INTS14: variants seen among roughly 807,000 people sequenced by gnomAD.
INTS14 encodes integrator complex subunit 14, also known as UPF0464 protein C15orf44.
INTS14 carries 27 observed loss-of-function variants against 56.9 expected under a neutral mutation model. That is an observed-to-expected ratio of 0.47 (90% CI 0.35 to 0.65). The LOEUF is 0.65. Among genes scored for constraint, INTS14 ranks in the 30% least tolerant of loss-of-function variants. The probability of loss-of-function intolerance (pLI) is 0.00; values close to 1 mark genes in which losing one functional copy is unlikely to be tolerated. For synonymous variants in INTS14, 207 were observed against 236.2 expected (o/e 0.88, Z 1.13); for missense variants, 517 against 632.2 (o/e 0.82, Z 1.95).
intron 11 of INTS14, among the ~76,000 whole-genome samples, chr15:65,580,367 G>C (rs569141045): frequency 3.3e-4 from 50 of 152,240 alleles, no homozygotes; most frequent in African/African-American, 1.2e-3. Flanking sequence ...TGGGCTCTCT[G>C]ACCATCTTTC....
chr15:65,588,546 T>C (rs559535678), intron 9 of INTS14, among the ~76,000 whole-genome samples: 12 of 151,700 alleles, frequency 7.9e-5, no homozygotes, highest in Non-Finnish European at 1.2e-4. Context: ...CTTGTGCCTG[T>C]AGTCACAGCT....
intron 8 of INTS14, among the ~76,000 whole-genome samples, chr15:65,592,285 T>A (rs2073058090): frequency 6.6e-6 from 1 of 152,204 alleles, no homozygotes; most frequent in Non-Finnish European, 1.5e-5. Context: ...CCAGCTAATT[T>A]TAACTGTAGC....
chr15:65,602,271 TG>T (rs1438989697), intron 3 of INTS14, among the ~76,000 whole-genome samples: 1 of 143,556 alleles, frequency 7.0e-6, no homozygotes, highest in Non-Finnish European at 1.5e-5. Flanking sequence ...AACAAAATCT[TG>T]GCTAAAAATT....
At chr15:65,591,462 A>G in intron 9 of INTS14, 136 bp downstream of exon 9, 1 of 1,172,338 alleles carries the variant, frequency 8.5e-7, no homozygotes, top group East Asian at 2.5e-5. Context: ...TTTTCACCGT[A>G]CACATCCAGC....
intron 1 of INTS14, among the ~76,000 whole-genome samples, chr15:65,610,252 G>C (rs1244090912): frequency 1.3e-5 from 2 of 152,130 alleles, no homozygotes; most frequent in Non-Finnish European, 2.9e-5. Context: ...TCTAGTACTT[G>C]GGAGGCTGAA....
chr15:65,608,288 T>G (rs2073727231), intron 1 of INTS14, among the ~76,000 whole-genome samples: 1 of 135,346 alleles, frequency 7.4e-6, no homozygotes, highest in African/African-American at 2.9e-5. Context: ...ACACAGGAGG[T>G]GGAAGTTGTA....
In INTS14 at chr15:65,605,149, C is replaced by T; in HGVS notation, c.310G>A (p.Gly104Ser). 6.2e-7 allele frequency: 1 copy of T among 1,613,958 alleles called. No individual in the cohort carries two copies. ...ATTACCTGGCAAGGAATTGCACCAC[C>T]CCATTCTTGCTGAACGATATTGCAA... ...GVCNIVQQEW[G>S]GAIPCQVVLV... is the part of the protein sequence containing the mutation. The change falls in exon 3 of 12, where the codon GGT becomes AGT. Residue 104 changes from glycine (G) to serine (S), a missense_variant. Coordinates refer to ENST00000313182, the MANE Select transcript of INTS14 (RefSeq NM_001394796.1).
intron 2 of INTS14, among the ~76,000 whole-genome samples, chr15:65,606,149 G>T (rs953657333): frequency 6.6e-6 from 1 of 151,346 alleles, no homozygotes; most frequent in Non-Finnish European, 1.5e-5. Flanking sequence ...CAGCTATTCG[G>T]AAGGCTGAGG....
chr15:65,603,913 T>C (rs1007023225), intron 3 of INTS14, among the ~76,000 whole-genome samples: 5 of 152,226 alleles, frequency 3.3e-5, no homozygotes, highest in Admixed American at 6.5e-5. Context: ...TGTTGTAGAC[T>C]ATTATGATTT....
rs748828387 is a variant in INTS14 at position 65,598,302 on chromosome 15, A to C, written c.748+19T>G. 1.2e-6 allele frequency: 2 copies of C among 1,603,920 alleles called. No individual in the cohort carries two copies. The highest frequency in any genetic ancestry group is 4.5e-5 in the East Asian group (2 of 44,816). ...AGGATAACAGAGAAACTAAGAAATA[A>C]GTTTTTTTAAAAAGTTACCTGTGTT... On this transcript the variant is annotated intron_variant, in intron 6 of 11. Transcript: ENST00000313182.
intron 1 of INTS14, among the ~76,000 whole-genome samples, chr15:65,610,247 T>C (rs1174663495): frequency 6.6e-6 from 1 of 152,146 alleles, no homozygotes; most frequent in Non-Finnish European, 1.5e-5. Context: ...GTGGTTCTAG[T>C]ACTTGGGAGG....
intron 1 of INTS14, among the ~76,000 whole-genome samples, chr15:65,610,513 G>C (rs571339775): frequency 1.3e-5 from 2 of 149,134 alleles, no homozygotes; most frequent in South Asian, 2.1e-4. Flanking sequence ...TCTTTCTCAG[G>C]AACAGTCTGA....
At position 65,605,179 on chromosome 15, in the gene INTS14, C is replaced by A; in HGVS notation, c.280G>T (p.Gly94Cys). ...TCTTGCTGAACGATATTGCAAACAC[C>A]AACTAATGCAGACTCCAAGCAGGTT... ...DKTCLESALV[G>C]VCNIVQQEWG... The change falls in exon 3 of 12, where the codon GGT becomes TGT. Residue 94 changes from glycine (G) to cysteine (C), a missense_variant. Coordinates refer to ENST00000313182, the MANE Select transcript of INTS14 (RefSeq NM_001394796.1). 6.2e-7 allele frequency: 1 copy of A among 1,614,130 alleles called. No individual in the cohort carries two copies. Among genetic ancestry groups the A allele is most frequent in the Non-Finnish European group, 8.5e-7 (1 of 1,180,016 alleles).
intron 2 of INTS14, among the ~76,000 whole-genome samples, chr15:65,606,252 C>CAAAAAAAAAAAA (rs372473798): frequency 1.6e-5 from 1 of 62,432 alleles, no homozygotes; most frequent in Non-Finnish European, 3.4e-5. Flanking sequence ...GACTCCGTCT[C>CAAAAAAAAAAAA]AAAAAAAAAA....
chr15:65,599,620 C>A (rs938171892), intron 4 of INTS14, 154 bp downstream of exon 4: 2 of 834,636 alleles, frequency 2.4e-6, no homozygotes, highest in Middle Eastern at 3.8e-4. Context: ...CATTTGAGAC[C>A]CAGAATCTTT....
chr15:65,610,751 C>T (rs1014410721), intron 1 of INTS14: 19 of 1,535,586 alleles, frequency 1.2e-5, no homozygotes, highest in Non-Finnish European at 1.5e-5. Flanking sequence ...AATTTCATCT[C>T]TAAAAGTCCA....
At position 65,591,638 on chromosome 15, in the gene INTS14, G is replaced by GCT; in HGVS notation, c.1079_1080insAG (p.Pro361AlafsTer4). The GCT allele has an allele frequency of 6.2e-7, 1 of 1,614,156 alleles. No individual in the cohort carries two copies. Among genetic ancestry groups the GCT allele is most frequent in the Non-Finnish European group, 8.5e-7 (1 of 1,180,000 alleles). ...ACTGTGCCATTTTCCCTAGCCATGG[G>GCT]AGAGGTTCTGGGCCAGGCTCAAAGA... On this transcript the variant is annotated frameshift_variant, in exon 9 of 12. Transcript: ENST00000313182. LOFTEE classifies it high-confidence loss of function.
At chr15:65,597,071 C>A (rs925551544) in intron 6 of INTS14, among the ~76,000 whole-genome samples, 1 of 152,130 alleles carries the variant, frequency 6.6e-6, no homozygotes, top group Admixed American at 6.5e-5. Flanking sequence ...CAAATTTACT[C>A]ATCGAAAAAG....
intron 3 of INTS14, among the ~76,000 whole-genome samples, chr15:65,600,938 T>G (rs1337660377): frequency 2.0e-5 from 3 of 152,134 alleles, no homozygotes; most frequent in Non-Finnish European, 4.4e-5. Context: ...ACCCCAACTC[T>G]TAGATAAGGA....
Sources: gnomAD v4.1 joint callset for allele counts (sites outside exome capture counted in the v4.1 genomes callset) on GRCh38, gnomAD v4.1.1 for gene constraint, MANE v1.5 for transcripts, NCBI Gene and HGNC (gene_info 2026-07-23, HGNC 2026-07-21) for gene names.